Variants in PRICKLE1 observed in about 807,000 individuals in gnomAD.
The protein encoded by PRICKLE1 is prickle-like protein 1.
In PRICKLE1, 14 loss-of-function variants were observed where a neutral mutation model predicts 70.2. That is an observed-to-expected ratio of 0.20 (90% CI 0.13 to 0.31). PRICKLE1 has a LOEUF of 0.31. Among genes scored for constraint, PRICKLE1 ranks in the 10% least tolerant of loss-of-function variants. The pLI is 1.00. For missense variants in PRICKLE1, 821 were observed against 1,026.2 expected (o/e 0.80, Z 2.73); for synonymous variants, 357 against 379.9 (o/e 0.94, Z 0.70).
At chr12:42,555,925 CT>C (rs1940406378) in intron 1 of PRICKLE1, among the ~76,000 whole-genome samples, 1 of 152,096 alleles carries the variant, frequency 6.6e-6, no homozygotes, top group South Asian at 2.1e-4. Flanking sequence ...AGAATTATGC[CT>C]TTCACTATTT....
chr12:42,542,542 T>G (rs1444832806), intron 1 of PRICKLE1, among the ~76,000 whole-genome samples: 1 of 152,024 alleles, frequency 6.6e-6, no homozygotes, highest in Non-Finnish European at 1.5e-5. Context: ...TCCCAGCTAC[T>G]TGGGAGGCTG....
At chr12:42,476,112 G>A (rs1224481323) in intron 1 of PRICKLE1, among the ~76,000 whole-genome samples, 1 of 137,130 alleles carries the variant, frequency 7.3e-6, no homozygotes, top group Non-Finnish European at 1.6e-5. Flanking sequence ...AAAAAAAAAA[G>A]TTATATGGCA....
At chr12:42,564,587 G>T (rs1227475148) in intron 1 of PRICKLE1, among the ~76,000 whole-genome samples, 1 of 152,074 alleles carries the variant, frequency 6.6e-6, no homozygotes, top group Non-Finnish European at 1.5e-5. Flanking sequence ...CAGCCTGGGC[G>T]ACAAGAGTGA....
intron 1 of PRICKLE1, among the ~76,000 whole-genome samples, chr12:42,548,027 C>A (rs753862149): frequency 6.6e-6 from 1 of 152,018 alleles, no homozygotes; most frequent in Non-Finnish European, 1.5e-5. Context: ...ATGCATGAGA[C>A]AAAGTTTTTA....
At chr12:42,503,127 C>G (rs1201737728) in intron 1 of PRICKLE1, among the ~76,000 whole-genome samples, 1 of 152,106 alleles carries the variant, frequency 6.6e-6, no homozygotes, top group Non-Finnish European at 1.5e-5. Context: ...TCACCTAGGC[C>G]AAAGATAAGA....
At chr12:42,506,388 C>T (rs1477921180) in intron 1 of PRICKLE1, among the ~76,000 whole-genome samples, 1 of 149,934 alleles carries the variant, frequency 6.7e-6, no homozygotes, top group Non-Finnish European at 1.5e-5. Context: ...TCCTAAGTGG[C>T]TGGGATTATA....
In PRICKLE1 at chr12:42,475,495, C is replaced by T. The variant is rs537132224; in HGVS notation, c.-48-2931G>A. 4.6e-5 allele frequency among the ~76,000 whole-genome samples: 7 copies of T among 152,268 alleles called. No individual in the cohort carries two copies. The South Asian group carries it at 1.5e-3, about 32-fold the overall frequency. On this transcript the variant is annotated intron_variant, in intron 1 of 7. Coordinates refer to ENST00000345127, the MANE Select transcript of PRICKLE1 (RefSeq NM_153026.3). ...TGGCTGTGATCCTAAACCCCTGCAACCCCACACTGCCTCCAGGGGGGGAGT... is the reference window on the plus strand; with the variant it reads ...TGGCTGTGATCCTAAACCCCTGCAATCCCACACTGCCTCCAGGGGGGGAGT...
At chr12:42,510,230 G>T (rs1939487952) in intron 1 of PRICKLE1, among the ~76,000 whole-genome samples, 1 of 152,006 alleles carries the variant, frequency 6.6e-6, no homozygotes, top group Non-Finnish European at 1.5e-5. Context: ...GAGTAGCTGG[G>T]ACTACAGGCG....
chr12:42,470,606 G>GCA (rs1938280997), intron 2 of PRICKLE1, among the ~76,000 whole-genome samples: 2 of 152,098 alleles, frequency 1.3e-5, no homozygotes, highest in African/African-American at 4.8e-5. Flanking sequence ...CATAAAATAT[G>GCA]CACATTTAAG....
chr12:42,531,166 C>T (rs1939911282), intron 1 of PRICKLE1, among the ~76,000 whole-genome samples: 1 of 150,450 alleles, frequency 6.6e-6, no homozygotes, highest in Admixed American at 6.7e-5. Flanking sequence ...CCTGCCTCAG[C>T]CTCCTGAGTA....
At chr12:42,572,208 C>A (rs561703063) in intron 1 of PRICKLE1, among the ~76,000 whole-genome samples, 6 of 151,946 alleles carry the variant, frequency 3.9e-5, no homozygotes, top group East Asian at 1.9e-4. Context: ...CCGAGGCGGG[C>A]GGATTACTTG....
intron 6 of PRICKLE1, 45 bp downstream of exon 6, chr12:42,466,149 A>G (rs773684567): frequency 1.3e-6 from 2 of 1,598,484 alleles, no homozygotes; most frequent in Non-Finnish European, 1.7e-6. Context: ...TCCAAGACAG[A>G]CTAATGGCTA....
chr12:42,539,329 G>GTT, intron 1 of PRICKLE1, among the ~76,000 whole-genome samples: 1 of 151,938 alleles, frequency 6.6e-6, no homozygotes, highest in East Asian at 1.9e-4. Flanking sequence ...TTAGCCGGGC[G>GTT]TGGGGGTGGG....
At chr12:42,479,718 G>A (rs1938719462) in intron 1 of PRICKLE1, among the ~76,000 whole-genome samples, 1 of 152,186 alleles carries the variant, frequency 6.6e-6, no homozygotes, top group Non-Finnish European at 1.5e-5. Context: ...GCACTATAGA[G>A]GCTAAGGTGG....
intron 1 of PRICKLE1, among the ~76,000 whole-genome samples, chr12:42,503,905 G>T (rs1197289761): frequency 6.6e-6 from 1 of 152,102 alleles, no homozygotes; most frequent in Non-Finnish European, 1.5e-5. Context: ...CAAAAAGCGG[G>T]TTCTGGTTAT....
At chr12:42,545,577 G>A (rs573483224) in intron 1 of PRICKLE1, among the ~76,000 whole-genome samples, 6 of 152,252 alleles carry the variant, frequency 3.9e-5, no homozygotes, top group South Asian at 4.1e-4. Flanking sequence ...GACTGGGTGC[G>A]GTGGCTCACG....
At chr12:42,466,033 T>C (rs1938082780) in intron 6 of PRICKLE1, 161 bp downstream of exon 6, 1 of 771,684 alleles carries the variant, frequency 1.3e-6, no homozygotes, top group Non-Finnish European at 2.2e-6. Flanking sequence ...TCTCTGTTCA[T>C]TTGTCAAAGC....
At position 42,457,531 on chromosome 12, in the gene PRICKLE1, T is replaced by TTTC. The variant is rs1456967269; in HGVS notation, c.*2275_*2277dup. 1.3e-5 allele frequency: 2 copies of TTTC among 152,200 alleles called. No homozygotes were observed. Among genetic ancestry groups the TTTC allele is most frequent in the Non-Finnish European group, 2.9e-5 (2 of 68,042 alleles). 9.4% of individuals were successfully genotyped at this position (152,200 alleles called of 1,614,324 possible). ...ATTACATTAATGTAAATCAGGAGAA[T>TTTC]TTCTTTTGGAGGAAAATTGGCAATA... is the stretch of plus-strand genomic sequence containing the variant. On this transcript the variant is annotated 3_prime_UTR_variant, in exon 8 of 8. Transcript: ENST00000345127.
chr12:42,543,229 G>A lies in PRICKLE1; in HGVS notation c.-49+46236C>T, dbSNP rs539729352. ...GACACCCCTTTATTTCCTATAAACT[G>A]TGTAAGGCTTGCTAAGATTCAGGCT... On this transcript the variant is annotated intron_variant, in intron 1 of 7. Coordinates refer to ENST00000345127, the MANE Select transcript of PRICKLE1 (RefSeq NM_153026.3). Among the ~76,000 whole-genome samples the A allele has an allele frequency of 3.4e-4, 51 of 152,162 alleles. 1 individual carries two copies. The highest frequency in any genetic ancestry group is 1.9e-3 in the South Asian group (9 of 4,822).
Sources: allele counts gnomAD v4.1 joint callset (sites outside exome capture counted in the v4.1 genomes callset), GRCh38; gene constraint gnomAD v4.1.1; transcripts MANE v1.5; gene names NCBI Gene and HGNC (gene_info 2026-07-23, HGNC 2026-07-21).